MME: variants seen among roughly 807,000 people sequenced by gnomAD.
The protein encoded by MME is membrane metalloendopeptidase.
A neutral mutation model predicts 113.2 loss-of-function variants in MME; 98 were observed. The ratio of observed to expected loss-of-function variants is 0.87; its 90% CI spans 0.74 to 1.02. The LOEUF is 1.02. Ranked by LOEUF, MME falls within the 50% of genes least tolerant of loss-of-function variation. The pLI is 0.00. For synonymous variants in MME, 292 were observed against 300.6 expected (o/e 0.97, Z 0.30); for missense variants, 836 against 896.0 (o/e 0.93, Z 0.86).
At chr3:155,056,252 T>C (rs1559894374) in intron 1 of MME, among the ~76,000 whole-genome samples, 2 of 151,886 alleles carry the variant, frequency 1.3e-5, no homozygotes, top group Non-Finnish European at 2.9e-5. Flanking sequence ...TATGTATACA[T>C]GTGCCATGCT....
chr3:155,139,275 C>G (rs1720873507), intron 9 of MME, among the ~76,000 whole-genome samples: 4 of 152,102 alleles, frequency 2.6e-5, no homozygotes, highest in Admixed American at 2.0e-4. Context: ...TGTGTCTTAC[C>G]TCAGCATTAT....
intron 8 of MME, among the ~76,000 whole-genome samples, chr3:155,119,270 A>C (rs1368192643): frequency 3.9e-5 from 6 of 152,126 alleles, no homozygotes; most frequent in Non-Finnish European, 8.8e-5. Flanking sequence ...GGCTCAGACA[A>C]ACTTTTGCAG....
intron 1 of MME, among the ~76,000 whole-genome samples, chr3:155,063,616 TATATA>T (rs1245528650): frequency 3.5e-5 from 4 of 114,962 alleles, no homozygotes; most frequent in Non-Finnish European, 5.3e-5. Context: ...GATTATATAA[TATATA>T]ATATATTATA....
intron 3 of MME, among the ~76,000 whole-genome samples, chr3:155,114,161 A>G (rs1718406167): frequency 6.6e-6 from 1 of 152,120 alleles, no homozygotes. Context: ...AAACAGTTCA[A>G]CTTGTATGAG....
chr3:155,093,834 C>T (rs1378041213), intron 3 of MME, among the ~76,000 whole-genome samples: 1 of 141,502 alleles, frequency 7.1e-6, no homozygotes, highest in African/African-American at 2.6e-5. Context: ...CCAGCCTGGG[C>T]GACAGAGTGA....
rs1291990886 is a variant in MME, at chr3:155,168,465, C to T, written c.1781-27C>T. ...TATAATTCTTGTTGCAATGAGTTCC[C>T]ATTTTACTTAAATAAATATATTATA... is the stretch of plus-strand genomic sequence containing the variant. On this transcript the variant is annotated intron_variant, in intron 18 of 22. Coordinates refer to ENST00000360490, the MANE Select transcript of MME (RefSeq NM_007289.4). 2.5e-6 allele frequency: 4 copies of T among 1,589,130 alleles called. No individual in the cohort carries two copies. In the South Asian group the frequency reaches 3.3e-5, roughly 13 times the overall value.
intron 1 of MME, among the ~76,000 whole-genome samples, chr3:155,061,707 G>T (rs1471293127): frequency 6.7e-6 from 1 of 149,416 alleles, no homozygotes; most frequent in African/African-American, 2.5e-5. Context: ...TGTTGCCGAG[G>T]CTGGAGTGCA....
chr3:155,083,830 A>T (rs61762316), intron 1 of MME: 10 of 303,358 alleles, frequency 3.3e-5, no homozygotes, highest in Admixed American at 9.5e-5. Context: ...TACAGCAATT[A>T]TTTGCTTATA....
chr3:155,027,606 G>C (rs1712831224), intron 1 of MME, among the ~76,000 whole-genome samples: 1 of 152,112 alleles, frequency 6.6e-6, no homozygotes, highest in African/African-American at 2.4e-5. Flanking sequence ...AATCTTAAAG[G>C]CCCAGCTCAA....
chr3:155,039,698 A>G (rs1364174898), intron 1 of MME, among the ~76,000 whole-genome samples: 1 of 152,182 alleles, frequency 6.6e-6, no homozygotes, highest in Non-Finnish European at 1.5e-5. Flanking sequence ...AAAACAAACA[A>G]TGAAGCATTT....
At chr3:155,066,364 A>G (rs1415048052) in intron 1 of MME, among the ~76,000 whole-genome samples, 2 of 152,090 alleles carry the variant, frequency 1.3e-5, no homozygotes, top group Admixed American at 1.3e-4. Flanking sequence ...AAGTAATATG[A>G]GTTGCTCTAG....
intron 20 of MME, among the ~76,000 whole-genome samples, chr3:155,170,213 T>G (rs896600161): frequency 3.3e-5 from 5 of 152,058 alleles, no homozygotes; most frequent in Non-Finnish European, 7.4e-5. Flanking sequence ...CCTGGCTAAT[T>G]TTTGTATTTG....
chr3:155,042,038 A>T (rs759531952), intron 1 of MME, among the ~76,000 whole-genome samples: 11 of 152,176 alleles, frequency 7.2e-5, no homozygotes, highest in Non-Finnish European at 1.0e-4. Flanking sequence ...GCCTTTAAAG[A>T]TTATTTTAAC....
rs1576608421 is a variant in MME at position 155,119,626 on chromosome 3, T to C, written c.720+815T>C. ...TATTCCCCTTCCTGTGTCCATGTGATCTCATTGTTCAATTCCCACCTATGA... is the reference window on the plus strand; with the variant it reads ...TATTCCCCTTCCTGTGTCCATGTGACCTCATTGTTCAATTCCCACCTATGA... On this transcript the variant is annotated intron_variant, in intron 8 of 22. Coordinates refer to ENST00000360490, the MANE Select transcript of MME (RefSeq NM_007289.4). Among the ~76,000 whole-genome samples, 6 of 144,960 alleles carry C rather than the reference T, an allele frequency of 4.1e-5. No homozygotes were observed. The Admixed American group carries it at 4.2e-4, about 10-fold the overall frequency.
At chr3:155,064,451 A>T (rs1037638596) in intron 1 of MME, among the ~76,000 whole-genome samples, 2 of 152,300 alleles carry the variant, frequency 1.3e-5, no homozygotes, top group South Asian at 2.1e-4. Flanking sequence ...GGCTAAGGAA[A>T]AAAGGTTTGT....
chr3:155,035,294 C>G (rs1012116932), intron 1 of MME, among the ~76,000 whole-genome samples: 6 of 147,400 alleles, frequency 4.1e-5, no homozygotes, highest in Non-Finnish European at 7.5e-5. Context: ...ATGTACTTAC[C>G]TATAAAGCAC....
intron 16 of MME, among the ~76,000 whole-genome samples, chr3:155,155,107 T>C (rs1333294418): frequency 1.3e-5 from 2 of 152,184 alleles, no homozygotes; most frequent in Non-Finnish European, 2.9e-5. Flanking sequence ...ATGTGTTCTA[T>C]TGGCAAAAAG....
intron 1 of MME, among the ~76,000 whole-genome samples, chr3:155,036,184 A>G (rs922712720): frequency 1.3e-5 from 2 of 152,212 alleles, no homozygotes; most frequent in African/African-American, 4.8e-5. Context: ...TGTGATAAGC[A>G]GAATTGTGAG....
chr3:155,116,126 G>T (rs563256179), intron 4 of MME, among the ~76,000 whole-genome samples: 1 of 146,236 alleles, frequency 6.8e-6, no homozygotes, highest in South Asian at 2.2e-4. Flanking sequence ...CTGTGTTATT[G>T]TTTTTTTTTA....
Sources: gnomAD v4.1 joint callset for allele counts (sites outside exome capture counted in the v4.1 genomes callset) on GRCh38, gnomAD v4.1.1 for gene constraint, MANE v1.5 for transcripts, NCBI Gene and HGNC (gene_info 2026-07-23, HGNC 2026-07-21) for gene names.